The following TMTC2 variants were observed in gnomAD, a reference collection of about 807,000 sequenced individuals.
TMTC2 encodes protein O-mannosyl-transferase TMTC2.
In TMTC2, 43 loss-of-function variants were observed where a neutral mutation model predicts 82.4. The observed-to-expected ratio is 0.52, with a 90% CI of 0.41 to 0.67. TMTC2 has a LOEUF of 0.67. TMTC2 is among the 30% of genes least tolerant of loss of function. The pLI, the probability that TMTC2 is intolerant of heterozygous loss-of-function variation, is 0.00. For synonymous variants in TMTC2, 408 were observed against 381.9 expected, an observed-to-expected ratio of 1.07 and a Z score of -0.80; for missense variants, 919 against 1,012.4, an observed-to-expected ratio of 0.91 and a Z score of 1.25.
At chr12:83,088,500 G>A (rs114678248) in intron 11 of TMTC2, among the ~76,000 whole-genome samples, 2,364 of 152,224 alleles carry the variant, frequency 0.016, 58 homozygotes, top group African/African-American at 0.055. Context: ...CGAGAGATGT[G>A]CAACTCTTCT....
intron 1 of TMTC2, among the ~76,000 whole-genome samples, chr12:82,738,878 T>A (rs1041998689): frequency 6.6e-6 from 1 of 152,162 alleles, no homozygotes; most frequent in Non-Finnish European, 1.5e-5. Context: ...CTGGGTGTGA[T>A]GGCTCACGTT....
At chr12:83,007,539 A>G (rs1031868927) in intron 8 of TMTC2, among the ~76,000 whole-genome samples, 2 of 152,108 alleles carry the variant, frequency 1.3e-5, no homozygotes, top group African/African-American at 4.8e-5. Context: ...TGTGCGTACA[A>G]TTACCTTACG....
chr12:82,928,605 G>A (rs189808659), intron 3 of TMTC2, among the ~76,000 whole-genome samples: 1 of 152,210 alleles, frequency 6.6e-6, no homozygotes, highest in South Asian at 2.1e-4. Context: ...AATGTGGTAT[G>A]AAAATGTTAG....
intron 11 of TMTC2, among the ~76,000 whole-genome samples, chr12:83,123,123 G>A (rs903804252): frequency 3.3e-5 from 5 of 152,168 alleles, no homozygotes; most frequent in Non-Finnish European, 7.3e-5. Context: ...ACCCAACACT[G>A]TGACAATCAC....
chr12:83,109,920 C>A (rs1474135535), intron 11 of TMTC2, among the ~76,000 whole-genome samples: 2 of 152,278 alleles, frequency 1.3e-5, no homozygotes, highest in African/African-American at 2.4e-5. Flanking sequence ...ATATCAGTAA[C>A]CTCAAGTGAG....
chr12:83,088,328 T>C (rs1315355152), intron 11 of TMTC2, among the ~76,000 whole-genome samples: 2 of 152,222 alleles, frequency 1.3e-5, no homozygotes, highest in Non-Finnish European at 2.9e-5. Context: ...GTATCAGCAA[T>C]AAGGCTGTTT....
chr12:83,106,929 A>G (rs1362062071), intron 11 of TMTC2, among the ~76,000 whole-genome samples: 2 of 152,274 alleles, frequency 1.3e-5, no homozygotes, highest in Non-Finnish European at 2.9e-5. Context: ...CAGAAGGGGA[A>G]TCTAAGATGT....
chr12:83,130,172 A>G lies in TMTC2; in HGVS notation c.2332-2038A>G, dbSNP rs139874754. Among the ~76,000 whole-genome samples, 443 of 152,284 alleles carry G rather than the reference A, an allele frequency of 2.9e-3. 1 individual carries two copies. The highest frequency in any genetic ancestry group is 0.01 in the African/African-American group (429 of 41,546). ...AATCTGAACATTGTATCTACTTAGCATCTTTAGTAATTTAGGCTGTGAGCA... is the reference window on the plus strand; with the variant it reads ...AATCTGAACATTGTATCTACTTAGCGTCTTTAGTAATTTAGGCTGTGAGCA... On this transcript the variant is annotated intron_variant, in intron 11 of 11. Transcript: ENST00000321196.
chr12:82,817,786 T>C (rs1158215005), intron 1 of TMTC2, among the ~76,000 whole-genome samples: 2 of 152,180 alleles, frequency 1.3e-5, no homozygotes, highest in Non-Finnish European at 2.9e-5. Flanking sequence ...TTGATAATTG[T>C]TGTCTTTTTA....
At chr12:82,750,258 A>C (rs147527019) in intron 1 of TMTC2, among the ~76,000 whole-genome samples, 4 of 150,496 alleles carry the variant, frequency 2.7e-5, no homozygotes, top group African/African-American at 9.7e-5. Flanking sequence ...TTTTTAATAC[A>C]AAGAATGATT....
intron 1 of TMTC2, among the ~76,000 whole-genome samples, chr12:82,793,211 T>A (rs1263834567): frequency 6.6e-6 from 1 of 152,156 alleles, no homozygotes; most frequent in Non-Finnish European, 1.5e-5. Context: ...CATTATTTCC[T>A]TTTTTAGTAC....
rs1040666761 is a variant in TMTC2, at chr12:82,906,533, C to T, written c.1483+9887C>T. ...TACAAAAATTAGCCGGGTTTGGTGGCGGGCGCCTCAAACCCGCCTGAGGCA... is the reference window on the plus strand; with the variant it reads ...TACAAAAATTAGCCGGGTTTGGTGGTGGGCGCCTCAAACCCGCCTGAGGCA... On this transcript the variant is annotated intron_variant, in intron 3 of 11. Transcript: ENST00000321196. Among the ~76,000 whole-genome samples the T allele has an allele frequency of 7.9e-5, 12 of 151,952 alleles. No individual in the cohort carries two copies. The South Asian group carries it at 1.2e-3, about 16-fold the overall frequency.
At chr12:82,710,041 G>A (rs1319660966) in intron 1 of TMTC2, among the ~76,000 whole-genome samples, 2 of 152,102 alleles carry the variant, frequency 1.3e-5, no homozygotes, top group African/African-American at 4.8e-5. Flanking sequence ...TCCAGGCAGC[G>A]CTTACATTAT....
chr12:82,828,162 G>A (rs1441726955), intron 1 of TMTC2, among the ~76,000 whole-genome samples: 1 of 150,832 alleles, frequency 6.6e-6, no homozygotes, highest in Non-Finnish European at 1.5e-5. Flanking sequence ...CAATGTACTG[G>A]GATTACAGGA....
chr12:82,926,355 C>T (rs534255722), intron 3 of TMTC2, among the ~76,000 whole-genome samples: 1 of 152,296 alleles, frequency 6.6e-6, no homozygotes, highest in African/African-American at 2.4e-5. Context: ...TAACCCAGAA[C>T]AAGTTCCTTA....
At chr12:82,985,023 T>C (rs1879094402) in intron 7 of TMTC2, among the ~76,000 whole-genome samples, 1 of 152,060 alleles carries the variant, frequency 6.6e-6, no homozygotes, top group South Asian at 2.1e-4. Flanking sequence ...ATTTATTTAG[T>C]TAATTTTATT....
chr12:83,014,127 G>A (rs1050879709), intron 8 of TMTC2, among the ~76,000 whole-genome samples: 4 of 152,098 alleles, frequency 2.6e-5, no homozygotes, highest in Non-Finnish European at 5.9e-5. Context: ...AAAGTTATTT[G>A]TGTAGAAGCA....
At chr12:83,059,954 G>A (rs557059794) in intron 10 of TMTC2, among the ~76,000 whole-genome samples, 72 of 151,802 alleles carry the variant, frequency 4.7e-4, no homozygotes, top group Non-Finnish European at 9.0e-4. Context: ...TTCCTCGGGA[G>A]AAAACCTTTC....
At chr12:83,093,633 C>G (rs143113234) in intron 11 of TMTC2, among the ~76,000 whole-genome samples, 1 of 152,244 alleles carries the variant, frequency 6.6e-6, no homozygotes, top group Non-Finnish European at 1.5e-5. Context: ...GGAAGCTTTC[C>G]TTGTGGGCTC....
Sources: gnomAD v4.1 joint callset for allele counts (sites outside exome capture counted in the v4.1 genomes callset) on GRCh38, gnomAD v4.1.1 for gene constraint, MANE v1.5 for transcripts, NCBI Gene and HGNC (gene_info 2026-07-23, HGNC 2026-07-21) for gene names.